The following ZEB1 variants were observed in gnomAD, a reference collection of about 807,000 sequenced individuals.
ZEB1 encodes zinc finger E-box binding homeobox 1, also known as zinc finger E-box-binding homeobox 1.
A neutral mutation model predicts 84.9 loss-of-function variants in ZEB1; 21 were observed. The observed-to-expected ratio is 0.25, with a 90% CI of 0.18 to 0.36. The LOEUF (loss-of-function observed/expected upper bound fraction) is 0.36, where lower values mean the gene tolerates loss of function less well. Among genes scored for constraint, ZEB1 ranks in the 10% least tolerant of loss-of-function variants. ZEB1 has a pLI of 1.00. For missense variants in ZEB1, 1,104 were observed against 1,330.2 expected, an observed-to-expected ratio of 0.83 and a Z score of 2.65; for synonymous variants, 420 against 471.1, an observed-to-expected ratio of 0.89 and a Z score of 1.41.
chr10:31,484,813 T>A (rs2065504297), intron 2 of ZEB1, among the ~76,000 whole-genome samples: 1 of 151,978 alleles, frequency 6.6e-6, no homozygotes, highest in Admixed American at 6.6e-5. Context: ...ATTATCACTA[T>A]TGTATAAGAA....
chr10:31,524,233 A>C, intron 8 of ZEB1, 120 bp downstream of exon 8: 1 of 1,130,622 alleles, frequency 8.8e-7, no homozygotes, highest in Non-Finnish European at 1.2e-6. Context: ...GTTTTGAGAC[A>C]AGGTCTGGCT....
intron 2 of ZEB1, among the ~76,000 whole-genome samples, chr10:31,476,099 G>C (rs893339784): frequency 1.3e-5 from 2 of 151,620 alleles, no homozygotes; most frequent in African/African-American, 4.8e-5. Context: ...CAGAAGAAGA[G>C]AAATAACAAA....
chr10:31,502,273 T>C, intron 3 of ZEB1, 75 bp from the exon 4 acceptor site: 1 of 1,435,628 alleles, frequency 7.0e-7, no homozygotes, highest in Admixed American at 1.9e-5. Flanking sequence ...TCAAGATAAA[T>C]AATTTCTTAT....
intron 1 of ZEB1, among the ~76,000 whole-genome samples, chr10:31,432,383 G>A (rs949906010): frequency 6.6e-6 from 1 of 152,206 alleles, no homozygotes; most frequent in Admixed American, 6.5e-5. Context: ...AAGCCCAGGA[G>A]TTTGAGACTA....
Position 31,526,884 on chromosome 10 carries a change from G to A in ZEB1, c.2998G>A (p.Glu1000Lys). The A allele has an allele frequency of 1.9e-6, 3 of 1,614,194 alleles. No individual in the cohort carries two copies. Among genetic ancestry groups the A allele is most frequent in the South Asian group, 1.1e-5 (1 of 91,086 alleles). ...GGAAGAACGTGACAGCACAGAGCAGGAAGAGGCAGGGCCTGAAATCCTCTC... is the reference window on the plus strand; with the variant it reads ...GGAAGAACGTGACAGCACAGAGCAGAAAGAGGCAGGGCCTGAAATCCTCTC... ...EAEERDSTEQ[E>K]EAGPEILSNE... Residue 1000 changes from glutamate (E) to lysine (K), a missense_variant, in exon 9 of 9, where the codon GAA (glutamate) becomes AAA (lysine). Physicochemically the swap from Glu to Lys is moderately conservative, Grantham distance 56. Around this residue, in one of 7 missense-constraint regions of ZEB1, gnomAD observed 173 missense variants for 167.0 expected, o/e 1.04. Coordinates refer to ENST00000424869, the MANE Select transcript of ZEB1 (RefSeq NM_001174096.2).
chr10:31,319,135 T>G (rs1188554521), upstream of ZEB1: 8 of 438,784 alleles, frequency 1.8e-5, no homozygotes, highest in African/African-American at 9.1e-5. Context: ...GTAAACCAGG[T>G]GCGGTGGGGA....
At chr10:31,404,220 GT>G (rs144566817) in intron 1 of ZEB1, among the ~76,000 whole-genome samples, 46 of 147,876 alleles carry the variant, frequency 3.1e-4, no homozygotes, top group African/African-American at 6.9e-4. Context: ...TTCTGCAGCC[GT>G]TTTTTTTTTA....
chr10:31,424,811 G>A (rs76820154), intron 1 of ZEB1, among the ~76,000 whole-genome samples: 2,318 of 152,026 alleles, frequency 0.015, 35 homozygotes, highest in Non-Finnish European at 0.021. Flanking sequence ...TCTCTTTTAA[G>A]TGGTTTACCA....
At chr10:31,363,186 G>T (rs1249798386) in intron 1 of ZEB1, 4 of 1,534,040 alleles carry the variant, frequency 2.6e-6, no homozygotes, top group South Asian at 2.4e-5. Context: ...AGCCTGGAGA[G>T]CTGGGCAGGT....
chr10:31,524,274 G>A (rs1397383664), intron 8 of ZEB1, among the ~76,000 whole-genome samples, 161 bp downstream of exon 8: 2 of 151,164 alleles, frequency 1.3e-5, no homozygotes, highest in African/African-American at 4.9e-5. Flanking sequence ...GCAGTGGCAC[G>A]CAATCTCAAT....
chr10:31,408,134 C>T (rs2053507874), intron 1 of ZEB1, among the ~76,000 whole-genome samples: 1 of 151,800 alleles, frequency 6.6e-6, no homozygotes, highest in Admixed American at 6.6e-5. Context: ...TGAGTGAACT[C>T]CCATTCACAA....
chr10:31,437,015 T>G lies in ZEB1; in HGVS notation c.59-24022T>G, dbSNP rs2839660. Among the ~76,000 whole-genome samples the G allele has an allele frequency of 9.0e-3, 1,371 of 152,304 alleles. 11 individuals carry two copies. The highest frequency in any genetic ancestry group is 0.017 in the Admixed American group (253 of 15,286). On this transcript the variant is annotated intron_variant, in intron 1 of 8. Transcript: ENST00000424869. The stretch of plus-strand genomic sequence containing the variant: ...ATTTTAATTCACACTGCTACTCAGG[T>G]AACTTAGGTAAAACAAAACATCAGG...
chr10:31,482,473 G>GA lies in ZEB1; in HGVS notation c.260-13290dup, dbSNP rs34292873. Among the ~76,000 whole-genome samples, 960 of 132,620 alleles carry GA rather than the reference G, an allele frequency of 7.2e-3. 3 individuals are homozygous for GA. Among genetic ancestry groups the GA allele is most frequent in the African/African-American group, 7.5e-3 (269 of 35,924 alleles). 87.0% of individuals were successfully genotyped at this position (132,620 alleles called of 152,430 possible). A position where few individuals can be genotyped will look rare whatever the true frequency, so the allele number is the denominator to read the frequency against. On this transcript the variant is annotated intron_variant, in intron 2 of 8. Transcript: ENST00000424869. ...GCATACTAAATTGGCTCCTGGGCCA[G>GA]AAAAAAAAAAAAAGGATTATTAGTG...
intron 2 of ZEB1, among the ~76,000 whole-genome samples, chr10:31,482,888 G>A (rs1368343949): frequency 1.3e-5 from 2 of 152,140 alleles, no homozygotes; most frequent in East Asian, 3.9e-4. Flanking sequence ...TCTGACTCTT[G>A]TCCCATTCTG....
chr10:31,514,237 G>T (rs2070652131), intron 5 of ZEB1, among the ~76,000 whole-genome samples: 1 of 152,038 alleles, frequency 6.6e-6, no homozygotes, highest in African/African-American at 2.4e-5. Flanking sequence ...CTATAAATTG[G>T]AAAGCAAACA....
Position 31,474,265 on chromosome 10 carries a change from G to A in ZEB1, c.259+13028G>A, listed in dbSNP as rs941294047. Reference sequence around the variant, plus strand: ...CAGCAAAGGAAACTACCATCAGAGTGAACAGGCAACCTACAAAATGGGAGA... The same window carrying A: ...CAGCAAAGGAAACTACCATCAGAGTAAACAGGCAACCTACAAAATGGGAGA... On this transcript the variant is annotated intron_variant, in intron 2 of 8. Transcript: ENST00000424869. Among the ~76,000 whole-genome samples, 130 of 151,584 alleles carry A rather than the reference G, an allele frequency of 8.6e-4. 2 individuals carry two copies. Among genetic ancestry groups the A allele is most frequent in the Non-Finnish European group, 2.5e-4 (17 of 67,996 alleles).
At position 31,373,210 on chromosome 10, in the gene ZEB1, T is replaced by G. The variant is rs563802647; in HGVS notation, c.58+53918T>G. The G allele has an allele frequency of 3.1e-4, 302 of 985,334 alleles. 4 individuals are homozygous for G. The highest frequency in any genetic ancestry group is 5.5e-4 in the Admixed American group (9 of 16,240). The allele number at this position is 985,334 out of a possible 1,614,324, so 61.0% of individuals were successfully genotyped here. ...CATTTAAATTGTGTGTGTGTGTGTG[T>G]GTGTGTGTAAAGCCTACCAATGTAT... On this transcript the variant is annotated intron_variant, in intron 1 of 8. Coordinates refer to ENST00000424869, the MANE Select transcript of ZEB1 (RefSeq NM_001174096.2).
intron 1 of ZEB1, among the ~76,000 whole-genome samples, chr10:31,348,206 C>A (rs2040663897): frequency 6.6e-6 from 1 of 152,014 alleles, no homozygotes; most frequent in Non-Finnish European, 1.5e-5. Flanking sequence ...GTCAGATGTA[C>A]CTAGAAAAAG....
intron 1 of ZEB1, among the ~76,000 whole-genome samples, chr10:31,336,573 A>G (rs1200681762): frequency 6.6e-6 from 1 of 152,146 alleles, no homozygotes; most frequent in Non-Finnish European, 1.5e-5. Flanking sequence ...ATTTTGTTTC[A>G]CTAATAGATA....
Sources: gnomAD v4.1 joint callset for allele counts (sites outside exome capture counted in the v4.1 genomes callset) on GRCh38, gnomAD v4.1.1 for gene constraint, gnomAD v4.1.1 regional missense constraint, MANE v1.5 for transcripts, NCBI Gene and HGNC (gene_info 2026-07-23, HGNC 2026-07-21) for gene names.